CD82: variants seen among roughly 807,000 people sequenced by gnomAD.
The protein encoded by CD82 is CD82 molecule, also known as CD82 antigen.
Under a neutral mutation model 37.4 loss-of-function variants are expected in CD82, and 36 were observed. That is an observed-to-expected ratio of 0.96 (90% confidence interval 0.74 to 1.27). The LOEUF is 1.27. Ranked by LOEUF, CD82 falls within the 50% of genes most tolerant of loss-of-function variation. The probability of loss-of-function intolerance (pLI) is 0.00; values close to 1 mark genes in which losing one functional copy is unlikely to be tolerated. For synonymous variants in CD82, 158 were observed against 137.4 expected (o/e 1.15, Z -1.05); for missense variants, 340 against 347.0 (o/e 0.98, Z 0.16).
At chr11:44,585,016 G>T (rs1023624798) in intron 1 of CD82, 3 of 347,848 alleles carry the variant, frequency 8.6e-6, no homozygotes, top group African/African-American at 6.4e-5. Context: ...CACGGGATCG[G>T]ATGCCCAACT....
chr11:44,605,158 C>A lies in CD82; in HGVS notation c.237C>A (p.Asn79Lys). 1 of 1,614,142 alleles carries A rather than the reference C, an allele frequency of 6.2e-7. No homozygotes were observed. Reference sequence around the variant, plus strand: ...TCCTGGGCTGCATCGGCGCCGTCAACGAGGTCCGCTGCCTGCTGGGGCTGG... The same window carrying A: ...TCCTGGGCTGCATCGGCGCCGTCAAAGAGGTCCGCTGCCTGCTGGGGCTGG... Reference protein sequence around the residue: ...MGFLGCIGAVNEVRCLLGLYF... With the variant: ...MGFLGCIGAVKEVRCLLGLYF... Residue 79 changes from asparagine (N) to lysine (K), a missense_variant, in exon 5 of 10, where the codon AAC (asparagine) becomes AAA (lysine). Asn to Lys is a moderately conservative substitution (Grantham distance 94, BLOSUM62 0). Coordinates refer to ENST00000227155, the MANE Select transcript of CD82 (RefSeq NM_002231.4).
At chr11:44,594,788 G>C (rs1853197791) in intron 3 of CD82, 63 bp downstream of exon 3, 1 of 1,412,992 alleles carries the variant, frequency 7.1e-7, no homozygotes, top group African/African-American at 1.4e-5. Flanking sequence ...GGGCATCCCA[G>C]CCTGAGCCTT....
chr11:44,581,342 T>C (rs1408364615), intron 1 of CD82, among the ~76,000 whole-genome samples: 1 of 152,192 alleles, frequency 6.6e-6, no homozygotes, highest in Non-Finnish European at 1.5e-5. Flanking sequence ...GTTTCTGCAG[T>C]TGTACAATGG....
intron 1 of CD82, among the ~76,000 whole-genome samples, chr11:44,568,236 T>A (rs911094031): frequency 2.6e-5 from 4 of 151,626 alleles, no homozygotes; most frequent in African/African-American, 9.7e-5. Flanking sequence ...GGGGTCTGGG[T>A]GGCTTTGGGG....
At chr11:44,618,080 G>A in intron 7 of CD82, 82 bp from the exon 8 acceptor site, 1 of 1,230,252 alleles carries the variant, frequency 8.1e-7, no homozygotes, top group Middle Eastern at 2.1e-4. Context: ...TCTCTGTCCT[G>A]GGGAGGTCCT....
At chr11:44,565,241 G>A (rs547195521), upstream of CD82, among the ~76,000 whole-genome samples, 37 of 152,320 alleles carry the variant, frequency 2.4e-4, no homozygotes, top group South Asian at 6.4e-3. Flanking sequence ...CTAGGGCCGG[G>A]GGATGGGGTG....
At chr11:44,608,082 A>T (rs1333877901) in intron 6 of CD82, 2 of 152,224 alleles carry the variant, frequency 1.3e-5, no homozygotes, top group African/African-American at 4.8e-5. Context: ...GTGCCACTGT[A>T]TCGCCCGAAT....
At chr11:44,575,824 G>A (rs1457597592) in intron 1 of CD82, among the ~76,000 whole-genome samples, 1 of 152,180 alleles carries the variant, frequency 6.6e-6, no homozygotes, top group East Asian at 1.9e-4. Context: ...AGGACAAGAG[G>A]ATTATCAGCA....
chr11:44,584,491 T>C (rs1305005794), intron 1 of CD82, among the ~76,000 whole-genome samples: 1 of 152,144 alleles, frequency 6.6e-6, no homozygotes, highest in Non-Finnish European at 1.5e-5. Flanking sequence ...TTTCACCATA[T>C]TGGCCAGGCT....
At chr11:44,565,778 C>A (rs1367796469) in intron 1 of CD82, 42 bp downstream of exon 1, 1 of 152,324 alleles carries the variant, frequency 6.6e-6, no homozygotes, top group Non-Finnish European at 1.5e-5. Flanking sequence ...TGCCGGACAA[C>A]CATAGGCAAA....
chr11:44,618,935 T>G (rs1853613078), intron 9 of CD82, 114 bp from the exon 10 acceptor site: 1 of 993,010 alleles, frequency 1.0e-6, no homozygotes, highest in Non-Finnish European at 1.6e-6. Flanking sequence ...ACAGGGTGGT[T>G]GTGAGGCTCA....
At chr11:44,591,567 CCTGGCTA>C (rs1273393091) in intron 2 of CD82, among the ~76,000 whole-genome samples, 1 of 152,172 alleles carries the variant, frequency 6.6e-6, no homozygotes, top group East Asian at 1.9e-4. Context: ...CCTTTATAAT[CCTGGCTA>C]CTGTCCAGGA....
intron 1 of CD82, among the ~76,000 whole-genome samples, chr11:44,568,975 C>A (rs933999299): frequency 1.3e-5 from 2 of 152,240 alleles, no homozygotes; most frequent in African/African-American, 4.8e-5. Context: ...TCCTCTGCCC[C>A]ATGGGAAGCT....
chr11:44,594,824 G>C, intron 3 of CD82, 99 bp downstream of exon 3: 1 of 992,336 alleles, frequency 1.0e-6, no homozygotes, highest in Non-Finnish European at 1.6e-6. Flanking sequence ...GCCGGGGATT[G>C]GGGGGATTTG....
chr11:44,578,380 G>A (rs1022645980), intron 1 of CD82, among the ~76,000 whole-genome samples: 1 of 152,136 alleles, frequency 6.6e-6, no homozygotes, highest in Non-Finnish European at 1.5e-5. Context: ...CCACGATGGT[G>A]TTGCCACATG....
chr11:44,579,899 G>A (rs907655090), intron 1 of CD82, among the ~76,000 whole-genome samples: 2 of 152,202 alleles, frequency 1.3e-5, no homozygotes, highest in Non-Finnish European at 2.9e-5. Context: ...GGCTGGGTGA[G>A]GTTGCCTCAG....
chr11:44,599,392 C>T (rs947508149), intron 3 of CD82, among the ~76,000 whole-genome samples: 1 of 152,252 alleles, frequency 6.6e-6, no homozygotes, highest in Non-Finnish European at 1.5e-5. Context: ...GATCCTCCTG[C>T]CTGGGCCTCA....
At chr11:44,584,450 C>G (rs1435145568) in intron 1 of CD82, among the ~76,000 whole-genome samples, 1 of 152,130 alleles carries the variant, frequency 6.6e-6, no homozygotes, top group African/African-American at 2.4e-5. Context: ...CCATGCCCAG[C>G]TAATTTTTTG....
intron 4 of CD82, 120 bp downstream of exon 4, chr11:44,600,350 C>G (rs972286056): frequency 3.2e-6 from 3 of 932,708 alleles, no homozygotes; most frequent in Admixed American, 2.0e-5. Flanking sequence ...CCGCTGACCT[C>G]AGGGATGTGG....
Sources: gnomAD v4.1 joint callset for allele counts (sites outside exome capture counted in the v4.1 genomes callset) on GRCh38, gnomAD v4.1.1 for gene constraint, MANE v1.5 for transcripts, NCBI Gene and HGNC (gene_info 2026-07-23, HGNC 2026-07-21) for gene names.